ABCC4: variants seen among roughly 807,000 people sequenced by gnomAD.
The protein encoded by ABCC4 is ATP-binding cassette sub-family C member 4.
ABCC4 carries 102 observed loss-of-function variants against 168.5 expected under a neutral mutation model. The ratio of observed to expected loss-of-function variants is 0.61; its 90% CI spans 0.52 to 0.71. The LOEUF is 0.71. ABCC4 is among the 30% of genes least tolerant of loss of function. ABCC4 has a pLI of 0.00. For missense variants in ABCC4, 1,402 were observed against 1,605.8 expected (o/e 0.87, Z 2.17); for synonymous variants, 617 against 590.7 (o/e 1.04, Z -0.65).
chr13:95,215,624 C>T (rs2039088889), intron 4 of ABCC4, among the ~76,000 whole-genome samples: 2 of 152,014 alleles, frequency 1.3e-5, no homozygotes, highest in South Asian at 2.1e-4. Flanking sequence ...AATATCTGAA[C>T]ATAAAAATGT....
chr13:95,167,136 C>A (rs1399483914), intron 14 of ABCC4, among the ~76,000 whole-genome samples: 1 of 151,754 alleles, frequency 6.6e-6, no homozygotes, highest in African/African-American at 2.4e-5. Context: ...GAGATCAAGC[C>A]ACTGCACTCC....
intron 20 of ABCC4, among the ~76,000 whole-genome samples, chr13:95,110,139 T>A (rs555896285): frequency 1.3e-5 from 2 of 152,036 alleles, no homozygotes; most frequent in African/African-American, 4.8e-5. Context: ...TGAAACCCCA[T>A]CTCTACTAAA....
chr13:95,034,584 A>T (rs1399861775), intron 30 of ABCC4, 21 bp downstream of exon 30: 20 of 1,606,028 alleles, frequency 1.2e-5, no homozygotes, highest in East Asian at 2.2e-5. Flanking sequence ...CTTTAATTAC[A>T]ACTCCTTGGA....
At chr13:95,159,448 T>G (rs2037013505) in intron 19 of ABCC4, among the ~76,000 whole-genome samples, 1 of 152,006 alleles carries the variant, frequency 6.6e-6, no homozygotes, top group Non-Finnish European at 1.5e-5. Flanking sequence ...GGTGCTGCTG[T>G]AAGATTAGTC....
At position 95,124,713 on chromosome 13, in the gene ABCC4, GAAAAAAAAAAAAA is replaced by G. The variant is rs59665124; in HGVS notation, c.2456-8725_2456-8713del. On this transcript the variant is annotated intron_variant, in intron 19 of 30. Coordinates refer to ENST00000645237, the MANE Select transcript of ABCC4 (RefSeq NM_005845.5). ...GTGAAACCCTGTCTCTACTAAAAAC[GAAAAAAAAAAAAA>G]AAAAAAAAGCCAGACATGGTGGTGT... Among the ~76,000 whole-genome samples, 60 of 59,212 alleles carry G rather than the reference GAAAAAAAAAAAAA, an allele frequency of 1.0e-3. 1 individual carries two copies. Among genetic ancestry groups the G allele is most frequent in the African/African-American group, 4.5e-3 (56 of 12,400 alleles). The allele number at this position is 59,212 out of a possible 152,430, so 38.8% of individuals were successfully genotyped here.
intron 1 of ABCC4, among the ~76,000 whole-genome samples, chr13:95,265,737 C>T (rs2040651938): frequency 1.3e-5 from 2 of 151,982 alleles, no homozygotes; most frequent in Admixed American, 6.6e-5. Context: ...CACCTGTGGG[C>T]GTGTGTGTGC....
chr13:95,103,004 C>G (rs575014906), intron 20 of ABCC4, among the ~76,000 whole-genome samples: 1 of 151,698 alleles, frequency 6.6e-6, no homozygotes, highest in East Asian at 2.0e-4. Context: ...CAGTGGCTCA[C>G]GCCTGTAATC....
chr13:95,040,295 GATCTCGGCTCACTGC>G (rs2032298897), intron 29 of ABCC4, among the ~76,000 whole-genome samples: 1 of 152,146 alleles, frequency 6.6e-6, no homozygotes, highest in Non-Finnish European at 1.5e-5. Context: ...GCAGTGGCGC[GATCTCGGCTCACTGC>G]AACCTCCGCC....
intron 25 of ABCC4, among the ~76,000 whole-genome samples, chr13:95,064,484 CAT>C (rs1237614877): frequency 1.5e-5 from 2 of 133,398 alleles, no homozygotes; most frequent in African/African-American, 5.5e-5. Context: ...CTCTCACACA[CAT>C]ACACACACAC....
At chr13:95,073,159 T>C in intron 24 of ABCC4, 45 bp downstream of exon 24, 1 of 1,481,590 alleles carries the variant, frequency 6.7e-7, no homozygotes, top group South Asian at 1.2e-5. Context: ...TACCATTTAA[T>C]GGCAAGGAGA....
At chr13:95,164,069 A>G (rs2037193048) in intron 16 of ABCC4, among the ~76,000 whole-genome samples, 1 of 151,670 alleles carries the variant, frequency 6.6e-6, no homozygotes, top group Non-Finnish European at 1.5e-5. Context: ...AAAGAAAGAA[A>G]GAAAGAAAGA....
intron 4 of ABCC4, among the ~76,000 whole-genome samples, chr13:95,211,974 C>T (rs1342368518): frequency 1.3e-5 from 2 of 151,932 alleles, no homozygotes; most frequent in Non-Finnish European, 2.9e-5. Context: ...GTCAGGAGTT[C>T]GAGATCAGCC....
At chr13:95,266,827 C>CTTT (rs35329015) in intron 1 of ABCC4, among the ~76,000 whole-genome samples, 1,521 of 130,710 alleles carry the variant, frequency 0.012, 40 homozygotes, top group African/African-American at 0.041. Flanking sequence ...ACTCAAATCT[C>CTTT]TTTTTTTTTT....
chr13:95,079,127 G>A (rs1462849599), intron 21 of ABCC4, among the ~76,000 whole-genome samples: 26 of 152,204 alleles, frequency 1.7e-4, no homozygotes, highest in Admixed American at 1.7e-3. Flanking sequence ...GGCTGCCAGT[G>A]AGGGTGAGCT....
chr13:95,173,372 A>G (rs1291703412), intron 13 of ABCC4, among the ~76,000 whole-genome samples: 2 of 152,254 alleles, frequency 1.3e-5, no homozygotes, highest in South Asian at 2.1e-4. Flanking sequence ...AGAGCAGCTC[A>G]TTGAGGGCTG....
In ABCC4 at chr13:95,219,478, A is replaced by G. The variant is rs369403916; in HGVS notation, c.532-8697T>C. ...GAGAATATAAATGCAGTATACCCCC[A>G]TTGAAGAGGAAGAAAAAAACCAAAC... On this transcript the variant is annotated intron_variant, in intron 4 of 30. Transcript: ENST00000645237. Among the ~76,000 whole-genome samples, 15 of 152,240 alleles carry G rather than the reference A, an allele frequency of 9.9e-5. No homozygotes were observed. In the East Asian group the frequency reaches 2.5e-3, roughly 26 times the overall value.
chr13:95,029,211 TATAGAGAGAG>T (rs2031730534), intron 30 of ABCC4, among the ~76,000 whole-genome samples: 1 of 43,596 alleles, frequency 2.3e-5, no homozygotes, highest in Non-Finnish European at 4.4e-5. Flanking sequence ...TATATATATA[TATAGAGAGAG>T]AGAGAGAGAG....
chr13:95,188,186 A>G (rs1489039996), intron 10 of ABCC4, among the ~76,000 whole-genome samples: 1 of 152,212 alleles, frequency 6.6e-6, no homozygotes, highest in East Asian at 1.9e-4. Flanking sequence ...CATAGTGGTC[A>G]CATAAATAAT....
intron 26 of ABCC4, among the ~76,000 whole-genome samples, chr13:95,058,979 T>C (rs548555222): frequency 4.6e-5 from 7 of 152,348 alleles, no homozygotes; most frequent in Non-Finnish European, 8.8e-5. Flanking sequence ...GTCTTTTATA[T>C]GAACCAGAAT....
Sources: gnomAD v4.1 joint callset for allele counts (sites outside exome capture counted in the v4.1 genomes callset) on GRCh38, gnomAD v4.1.1 for gene constraint, MANE v1.5 for transcripts, NCBI Gene and HGNC (gene_info 2026-07-23, HGNC 2026-07-21) for gene names.